The following ZDHHC23 variants were observed in gnomAD, a reference collection of about 807,000 sequenced individuals.
ZDHHC23 encodes the protein palmitoyltransferase ZDHHC23.
ZDHHC23 carries 41 observed loss-of-function variants against 40.2 expected under a neutral mutation model. The ratio of observed to expected loss-of-function variants is 1.02; its 90% confidence interval spans 0.79 to 1.32. The LOEUF (loss-of-function observed/expected upper bound fraction) is 1.32, where lower values mean the gene tolerates loss of function less well. Ranked by LOEUF, ZDHHC23 falls within the 40% of genes most tolerant of loss-of-function variation. ZDHHC23 has a pLI of 0.00. For missense variants in ZDHHC23, 471 were observed against 541.5 expected, an observed-to-expected ratio of 0.87 and a Z score of 1.29; for synonymous variants, 204 against 210.2, an observed-to-expected ratio of 0.97 and a Z score of 0.26.
Position 113,954,637 on chromosome 3 carries a change from G to T in ZDHHC23, c.872+227G>T, listed in dbSNP as rs534391545. ...AGGAGAATAACAGAAAACTTGTGGG[G>T]TTTTTTTTTTCTCAATTTTCTTTTG... is the stretch of plus-strand genomic sequence containing the variant. On this transcript the variant is annotated intron_variant, in intron 3 of 4. Transcript: ENST00000638807. Among the ~76,000 whole-genome samples, 109 of 147,692 alleles carry T rather than the reference G, an allele frequency of 7.4e-4. 2 individuals carry two copies. The highest frequency in any genetic ancestry group is 2.3e-3 in the African/African-American group (91 of 40,350).
At chr3:113,971,944 A>G in the ZDHHC23 span, among the ~76,000 whole-genome samples, 35 of 152,076 alleles carry the variant, frequency 2.3e-4, no homozygotes, top group Admixed American at 1.3e-3. Flanking sequence ...CATTTCTTCT[A>G]TGTTTTCCAG....
At chr3:113,966,974 C>A (rs1940242284), downstream of ZDHHC23, among the ~76,000 whole-genome samples, 1 of 152,086 alleles carries the variant, frequency 6.6e-6, no homozygotes, top group Non-Finnish European at 1.5e-5. Flanking sequence ...TGGCAGGCAC[C>A]TGTAATCCCA....
Position 113,955,471 on chromosome 3 carries a change from C to T in ZDHHC23, c.873-868C>T, listed in dbSNP as rs1438315999. Among the ~76,000 whole-genome samples the T allele has an allele frequency of 2.0e-5, 3 of 152,008 alleles. No individual in the cohort carries two copies. In the South Asian group the frequency reaches 6.2e-4, roughly 32 times the overall value. On this transcript the variant is annotated intron_variant, in intron 3 of 4. Transcript: ENST00000638807. ...ATATGTGCCCACTGGAGCATCCTGG[C>T]ATGCAGTGGGTAGAAGGCACTCCCT... is the stretch of plus-strand genomic sequence containing the variant.
intron 2 of ZDHHC23, among the ~76,000 whole-genome samples, chr3:113,952,898 C>T (rs1234400480): frequency 1.3e-5 from 2 of 152,172 alleles, no homozygotes; most frequent in Non-Finnish European, 2.9e-5. Flanking sequence ...GCTCTCATGA[C>T]CTAATACCCT....
At chr3:113,970,337 T>C (rs757565608), downstream of ZDHHC23, among the ~76,000 whole-genome samples, 1 of 151,826 alleles carries the variant, frequency 6.6e-6, no homozygotes, top group Non-Finnish European at 1.5e-5. Flanking sequence ...TTTGGATACA[T>C]TTTTTTTAAA....
downstream of ZDHHC23, among the ~76,000 whole-genome samples, chr3:113,966,299 T>C (rs1048194778): frequency 6.6e-6 from 1 of 152,174 alleles, no homozygotes; most frequent in Non-Finnish European, 1.5e-5. Context: ...GTCTGTGCTG[T>C]CACAGGGAAG....
chr3:113,952,560 C>T (rs528959245), intron 2 of ZDHHC23, among the ~76,000 whole-genome samples: 11 of 152,238 alleles, frequency 7.2e-5, no homozygotes, highest in Admixed American at 4.6e-4. Flanking sequence ...AACCTCTACC[C>T]GTTACCCGGT....
chr3:113,957,510 A>G, intron 4 of ZDHHC23: 1 of 364,976 alleles, frequency 2.7e-6, no homozygotes, highest in Non-Finnish European at 5.4e-6. Context: ...GAAGCACAGC[A>G]TGTCTGTGCA....
chr3:113,968,453 T>C (rs1940437935), downstream of ZDHHC23, among the ~76,000 whole-genome samples: 1 of 151,184 alleles, frequency 6.6e-6, no homozygotes, highest in African/African-American at 2.4e-5. Flanking sequence ...ATTTAGATCT[T>C]CCCCCCCCTT....
the ZDHHC23 span, among the ~76,000 whole-genome samples, chr3:113,976,267 A>C: frequency 6.6e-6 from 1 of 152,062 alleles, no homozygotes; most frequent in Non-Finnish European, 1.5e-5. Flanking sequence ...TCAGGGTAAA[A>C]AAAAAAACAA....
In ZDHHC23 at chr3:113,956,411, G is replaced by A. The variant is rs780615056; in HGVS notation, c.945G>A (p.Ser315=). 5 of 1,614,066 alleles carry A rather than the reference G, an allele frequency of 3.1e-6. No individual in the cohort carries two copies. The highest frequency in any genetic ancestry group is 4.2e-6 in the Non-Finnish European group (5 of 1,179,986). ...ILALLIFLLT[S]VYGITLTLDT... ...CCCTTTTGATCTTCTTGCTCACCTC[G>A]GTGTATGGGATCACACTGACCTTGG... The change falls in exon 4 of 5, where the codon TCG becomes TCA. Residue 315 remains serine, a synonymous_variant. Coordinates refer to ENST00000638807, the MANE Select transcript of ZDHHC23 (RefSeq NM_001320466.2).
chr3:113,949,671 A>C (rs979182632), intron 2 of ZDHHC23, among the ~76,000 whole-genome samples: 1 of 152,248 alleles, frequency 6.6e-6, no homozygotes, highest in Non-Finnish European at 1.5e-5. Flanking sequence ...ATCACTGTCA[A>C]TGGAAGTCAT....
chr3:113,977,888 T>C, the ZDHHC23 span, among the ~76,000 whole-genome samples: 1 of 152,220 alleles, frequency 6.6e-6, no homozygotes, highest in Non-Finnish European at 1.5e-5. Context: ...TAACAAAGAA[T>C]ACAGTACTTT....
chr3:113,978,141 A>G, the ZDHHC23 span: 1 of 1,606,240 alleles, frequency 6.2e-7, no homozygotes. Context: ...TTGCTGAGCA[A>G]TTGTGAAGTC....
chr3:113,959,805 G>C lies in ZDHHC23; in HGVS notation c.*1175G>C. ...TCCCTAAATAACAGTATCTCACTAA[G>C]AGAGAAGAAACAGGGTATATGTGGT... is the stretch of plus-strand genomic sequence containing the variant. On this transcript the variant is annotated 3_prime_UTR_variant, in exon 5 of 5. Transcript: ENST00000638807. The C allele has an allele frequency of 9.6e-7, 1 of 1,036,360 alleles. No homozygotes were observed. The highest frequency in any genetic ancestry group is 6.2e-5 in the East Asian group (1 of 16,116). The allele number at this position is 1,036,360 out of a possible 1,614,324, so 64.2% of individuals were successfully genotyped here.
chr3:113,948,964 G>C lies in ZDHHC23; in HGVS notation c.161+1G>C, dbSNP rs199761322. The C allele has an allele frequency of 1.2e-5, 20 of 1,614,124 alleles. No individual in the cohort carries two copies. Among genetic ancestry groups the C allele is most frequent in the Non-Finnish European group, 1.1e-5 (13 of 1,180,038 alleles). On this transcript the variant is annotated splice_donor_variant, in intron 2 of 4. Coordinates refer to ENST00000638807, the MANE Select transcript of ZDHHC23 (RefSeq NM_001320466.2). LOFTEE classifies it high-confidence loss of function. Reference sequence around the variant, plus strand: ...AAGATCTGGATGAAGGGTGTGATCGGTAAGAACAGAGCATTTCTTGACGCT... The same window carrying C: ...AAGATCTGGATGAAGGGTGTGATCGCTAAGAACAGAGCATTTCTTGACGCT...
rs753121323 is a variant in ZDHHC23, at chr3:113,959,946, GGTT to G, written c.*1320_*1322del. 115 of 994,580 alleles carry G rather than the reference GGTT, an allele frequency of 1.2e-4. No homozygotes were observed. The highest frequency in any genetic ancestry group is 5.4e-4 in the Admixed American group (10 of 18,656). 61.6% of individuals were successfully genotyped at this position (994,580 alleles called of 1,614,324 possible). On this transcript the variant is annotated 3_prime_UTR_variant, in exon 5 of 5. Transcript: ENST00000638807. ...AAAGATTAAATATTTATGTACAATG[GGTT>G]GTTCTACTATAGAATTAAGATGAGG...
chr3:113,951,246 C>T (rs971477665), intron 2 of ZDHHC23, among the ~76,000 whole-genome samples: 7 of 152,068 alleles, frequency 4.6e-5, no homozygotes, highest in African/African-American at 1.7e-4. Context: ...ACAATGACAG[C>T]TCCACTGGGC....
chr3:113,967,516 GATAC>G (rs1489515409), downstream of ZDHHC23, among the ~76,000 whole-genome samples: 6 of 151,760 alleles, frequency 4.0e-5, no homozygotes, highest in African/African-American at 1.5e-4. Flanking sequence ...TATTTTTATT[GATAC>G]ATAATATACA....
Sources: gnomAD v4.1 joint callset for allele counts (sites outside exome capture counted in the v4.1 genomes callset) on GRCh38, gnomAD v4.1.1 for gene constraint, MANE v1.5 for transcripts, NCBI Gene and HGNC (gene_info 2026-07-23, HGNC 2026-07-21) for gene names.